FGL1: variants seen among roughly 807,000 people sequenced by gnomAD.
The protein encoded by FGL1 is fibrinogen-like protein 1.
FGL1 carries 59 observed loss-of-function variants against 43.7 expected under a neutral mutation model. That is an observed-to-expected ratio of 1.35 (90% CI 1.10 to 1.68). The LOEUF (loss-of-function observed/expected upper bound fraction) is 1.68. Ranked by LOEUF, FGL1 falls within the 40% of genes most tolerant of loss-of-function variation. The pLI is 0.00. For synonymous variants in FGL1, 192 were observed against 126.5 expected, an observed-to-expected ratio of 1.52 and a Z score of -3.48; for missense variants, 596 against 373.0, an observed-to-expected ratio of 1.60 and a Z score of -4.92.
intron 5 of FGL1, among the ~76,000 whole-genome samples, chr8:17,872,110 G>C (rs2053371924): frequency 6.6e-6 from 1 of 152,022 alleles, no homozygotes; most frequent in Non-Finnish European, 1.5e-5. Flanking sequence ...TGTAAATTTA[G>C]AGAGCACTGA....
At chr8:17,878,926 A>T (rs1585138609) in intron 3 of FGL1, among the ~76,000 whole-genome samples, 1 of 140,206 alleles carries the variant, frequency 7.1e-6, no homozygotes, top group Non-Finnish European at 1.5e-5. Flanking sequence ...ACTATACTTT[A>T]TTGGAATTTT....
chr8:17,865,764 G>C (rs1481960109), intron 7 of FGL1, among the ~76,000 whole-genome samples: 2 of 152,056 alleles, frequency 1.3e-5, no homozygotes, highest in African/African-American at 2.4e-5. Context: ...GTCAGAATTA[G>C]GATAGAAGGA....
chr8:17,870,627 C>G (rs2053343741), intron 5 of FGL1, among the ~76,000 whole-genome samples: 1 of 152,164 alleles, frequency 6.6e-6, no homozygotes, highest in Non-Finnish European at 1.5e-5. Context: ...GGCTTTGGAT[C>G]CACTTGTGGA....
intron 7 of FGL1, among the ~76,000 whole-genome samples, chr8:17,866,248 T>G (rs2053268150): frequency 1.3e-5 from 2 of 152,192 alleles, no homozygotes; most frequent in African/African-American, 4.8e-5. Context: ...GGTTAGGGGA[T>G]GATTGGGTCT....
chr8:17,893,912 A>G (rs2053741338), intron 1 of FGL1, among the ~76,000 whole-genome samples: 1 of 147,300 alleles, frequency 6.8e-6, no homozygotes, highest in Non-Finnish European at 1.5e-5. Context: ...TATTTCTTTT[A>G]TAATATTTTT....
chr8:17,869,971 A>G (rs982490503), intron 5 of FGL1, among the ~76,000 whole-genome samples: 1 of 152,086 alleles, frequency 6.6e-6, no homozygotes, highest in Admixed American at 6.6e-5. Flanking sequence ...TTAGCCGGGC[A>G]TGGTGGCGGG....
chr8:17,874,972 C>T (rs945633223), intron 3 of FGL1, among the ~76,000 whole-genome samples: 1 of 151,792 alleles, frequency 6.6e-6, no homozygotes, highest in African/African-American at 2.4e-5. Flanking sequence ...TTAAAAAAAA[C>T]AAGTTATGAG....
chr8:17,871,180 A>C (rs2276473), intron 5 of FGL1, among the ~76,000 whole-genome samples: 98,823 of 151,942 alleles, frequency 0.65, 33,306 homozygotes, highest in Non-Finnish European at 0.76. Context: ...AGGCAGGCTA[A>C]GTCAACTGTC....
At chr8:17,873,297 C>A (rs2053392972) in intron 5 of FGL1, among the ~76,000 whole-genome samples, 1 of 152,042 alleles carries the variant, frequency 6.6e-6, no homozygotes, top group Admixed American at 6.6e-5. Flanking sequence ...TTTTGTGGAA[C>A]CCTGCCTGTG....
chr8:17,871,231 A>G (rs1364923887), intron 5 of FGL1, among the ~76,000 whole-genome samples: 1 of 152,056 alleles, frequency 6.6e-6, no homozygotes, highest in Admixed American at 6.6e-5. Flanking sequence ...GGTGGTTCAT[A>G]CCTGTAATTC....
chr8:17,866,995 A>G (rs2053278809), intron 7 of FGL1, among the ~76,000 whole-genome samples: 1 of 152,204 alleles, frequency 6.6e-6, no homozygotes, highest in African/African-American at 2.4e-5. Flanking sequence ...GGAGAGTGAA[A>G]TTTGTTTCTC....
intron 1 of FGL1, among the ~76,000 whole-genome samples, chr8:17,893,705 C>G (rs2053738818): frequency 6.8e-6 from 1 of 147,014 alleles, no homozygotes. Context: ...CTTAAGTTCT[C>G]TAAAATTTTC....
At chr8:17,869,667 G>A (rs1040667383) in intron 5 of FGL1, among the ~76,000 whole-genome samples, 5 of 152,110 alleles carry the variant, frequency 3.3e-5, no homozygotes, top group Admixed American at 2.0e-4. Flanking sequence ...GAATTTCAGA[G>A]GCAATAAGGA....
At chr8:17,883,515 T>C (rs1337595910) in intron 2 of FGL1, among the ~76,000 whole-genome samples, 4 of 133,608 alleles carry the variant, frequency 3.0e-5, no homozygotes, top group Admixed American at 1.7e-4. Context: ...ATATATAATA[T>C]AATGTAATAT....
At chr8:17,880,371 A>G (rs1474151626) in intron 3 of FGL1, among the ~76,000 whole-genome samples, 1 of 152,222 alleles carries the variant, frequency 6.6e-6, no homozygotes, top group Non-Finnish European at 1.5e-5. Flanking sequence ...ATGGAAGCAT[A>G]GACTCTCACA....
At chr8:17,884,050 C>G (rs1379655195) in intron 2 of FGL1, among the ~76,000 whole-genome samples, 3 of 140,298 alleles carry the variant, frequency 2.1e-5, no homozygotes, top group African/African-American at 8.0e-5. Context: ...TCTTCTTTTT[C>G]TTTTCTTTTG....
chr8:17,882,644 A>C (rs1383528562), intron 2 of FGL1: 2 of 133,900 alleles, frequency 1.5e-5, no homozygotes, highest in Non-Finnish European at 3.1e-5. Flanking sequence ...CTCCATAATA[A>C]ATGAGGTTTT....
intron 1 of FGL1, among the ~76,000 whole-genome samples, chr8:17,887,099 A>C (rs35118994): frequency 0.016 from 2,376 of 152,100 alleles, 58 homozygotes; most frequent in African/African-American, 0.055. Flanking sequence ...GAGGAGAGAG[A>C]CCCTGTTCAA....
chr8:17,866,055 G>A (rs929704099), intron 7 of FGL1, among the ~76,000 whole-genome samples: 1 of 152,140 alleles, frequency 6.6e-6, no homozygotes, highest in Admixed American at 6.6e-5. Flanking sequence ...TGAGTCTCCA[G>A]AATATATATT....
Sources: allele counts gnomAD v4.1 joint callset (sites outside exome capture counted in the v4.1 genomes callset), GRCh38; gene constraint gnomAD v4.1.1; transcripts MANE v1.5; gene names NCBI Gene and HGNC (gene_info 2026-07-23, HGNC 2026-07-21).